The following HEMK2 variants were observed in gnomAD, a reference collection of about 807,000 sequenced individuals.
HEMK2 encodes HemK methyltransferase 2, ETF1 glutamine and histone H4 lysine.
the HEMK2 span, among the ~76,000 whole-genome samples, chr21:28,723,107 A>T: frequency 7.2e-5 from 11 of 152,028 alleles, no homozygotes; most frequent in Non-Finnish European, 1.2e-4. Context: ...ACTCCTGGGC[A>T]GAAGCAATCC....
chr21:28,865,842 G>A, the HEMK2 span, among the ~76,000 whole-genome samples: 14 of 152,070 alleles, frequency 9.2e-5, no homozygotes, highest in South Asian at 1.0e-3. Flanking sequence ...CTCTCTGTGC[G>A]TTCCTCTATC....
the HEMK2 span, among the ~76,000 whole-genome samples, chr21:28,798,907 C>G: frequency 6.6e-6 from 1 of 152,170 alleles, no homozygotes; most frequent in Non-Finnish European, 1.5e-5. Flanking sequence ...ATCCCTATCC[C>G]TCATCAGTAA....
the HEMK2 span, among the ~76,000 whole-genome samples, chr21:28,827,424 T>C: frequency 6.6e-6 from 1 of 152,230 alleles, no homozygotes; most frequent in Admixed American, 6.5e-5. Context: ...CAGAGTCTCA[T>C]CAAATGTTAT....
chr21:28,881,180 C>T, the HEMK2 span, among the ~76,000 whole-genome samples: 1 of 152,122 alleles, frequency 6.6e-6, no homozygotes, highest in Admixed American at 6.5e-5. Context: ...GTTGTTTTTA[C>T]CTACTGAGGA....
chr21:28,814,173 G>A, the HEMK2 span, among the ~76,000 whole-genome samples: 1 of 152,066 alleles, frequency 6.6e-6, no homozygotes. Context: ...GGAGGCAGAG[G>A]TTGCAGTGAG....
At chr21:28,867,794 A>C in the HEMK2 span, among the ~76,000 whole-genome samples, 4 of 151,918 alleles carry the variant, frequency 2.6e-5, no homozygotes, top group African/African-American at 9.7e-5. Flanking sequence ...TTTGACGAAC[A>C]AAACCCTTTA....
the HEMK2 span, among the ~76,000 whole-genome samples, chr21:28,736,082 C>T: frequency 3.9e-5 from 6 of 152,170 alleles, no homozygotes; most frequent in Non-Finnish European, 7.3e-5. Context: ...GGAGGGTAGA[C>T]ACAAGGAAGG....
At chr21:28,866,175 A>AAAAAAAAAAAACAC in the HEMK2 span, among the ~76,000 whole-genome samples, 19 of 76,242 alleles carry the variant, frequency 2.5e-4, 2 homozygotes, top group African/African-American at 8.7e-4. Context: ...CAAAAAAAAA[A>AAAAAAAAAAAACAC]ACACACACAC....
the HEMK2 span, among the ~76,000 whole-genome samples, chr21:28,619,157 C>T: frequency 6.6e-6 from 1 of 152,142 alleles, no homozygotes; most frequent in Non-Finnish European, 1.5e-5. Flanking sequence ...GGATTCTTCC[C>T]TCGCAGCCCT....
the HEMK2 span, among the ~76,000 whole-genome samples, chr21:28,690,664 C>G: frequency 6.6e-6 from 1 of 152,094 alleles, no homozygotes; most frequent in South Asian, 2.1e-4. Flanking sequence ...CCACCTCTTT[C>G]TCCACAAAGA....
At chr21:28,704,436 C>T in the HEMK2 span, among the ~76,000 whole-genome samples, 22 of 151,914 alleles carry the variant, frequency 1.4e-4, no homozygotes, top group African/African-American at 5.1e-4. Context: ...TATATTGGAT[C>T]TGGGACACCA....
the HEMK2 span, among the ~76,000 whole-genome samples, chr21:28,663,012 C>T: frequency 6.6e-6 from 1 of 152,080 alleles, no homozygotes; most frequent in Non-Finnish European, 1.5e-5. Flanking sequence ...CAGCACTGAT[C>T]CAGTTTCTTA....
the HEMK2 span, among the ~76,000 whole-genome samples, chr21:28,819,548 T>TTC: frequency 6.9e-6 from 1 of 145,896 alleles, no homozygotes; most frequent in South Asian, 2.2e-4. Context: ...CTTTTCCTTT[T>TTC]TTTTTTTTTT....
the HEMK2 span, among the ~76,000 whole-genome samples, chr21:28,581,339 AGC>A: frequency 6.6e-6 from 1 of 151,538 alleles, no homozygotes; most frequent in African/African-American, 2.4e-5. Flanking sequence ...GTCTGGACTG[AGC>A]GTGGTACAAT....
the HEMK2 span, among the ~76,000 whole-genome samples, chr21:28,595,876 GCA>G: frequency 6.9e-6 from 1 of 145,702 alleles, no homozygotes; most frequent in African/African-American, 2.5e-5. Context: ...GCTCTGCCTC[GCA>G]GGTTCATGCC....
At chr21:28,747,874 A>G in the HEMK2 span, among the ~76,000 whole-genome samples, 1 of 152,250 alleles carries the variant, frequency 6.6e-6, no homozygotes, top group South Asian at 2.1e-4. Flanking sequence ...GTCTGTAAGA[A>G]ATTAAAAGGA....
the HEMK2 span, among the ~76,000 whole-genome samples, chr21:28,771,595 T>C: frequency 2.0e-5 from 3 of 147,618 alleles, no homozygotes; most frequent in African/African-American, 7.5e-5. Flanking sequence ...AGGGGTTTGG[T>C]TTAGTTGCCA....
the HEMK2 span, among the ~76,000 whole-genome samples, chr21:28,828,464 A>T: frequency 3.3e-5 from 5 of 152,200 alleles, no homozygotes; most frequent in Admixed American, 6.5e-5. Flanking sequence ...AGGCTCTAAG[A>T]ACTACTAGGT....
the HEMK2 span, among the ~76,000 whole-genome samples, chr21:28,760,367 G>C: frequency 6.6e-6 from 1 of 152,098 alleles, no homozygotes; most frequent in African/African-American, 2.4e-5. Context: ...AAAATTTTAG[G>C]CTTTGTGGCA....
Sources: gnomAD v4.1 joint callset for allele counts (sites outside exome capture counted in the v4.1 genomes callset) on GRCh38, gnomAD v4.1.1 for gene constraint, MANE v1.5 for transcripts, NCBI Gene and HGNC (gene_info 2026-07-23, HGNC 2026-07-21) for gene names.